The following ACTL8 variants were observed in gnomAD, a reference collection of about 807,000 sequenced individuals.
ACTL8 encodes the protein actin-like protein 8.
ACTL8 carries 3 observed loss-of-function variants against 9.3 expected under a neutral mutation model. The ratio of observed to expected loss-of-function variants is 0.32; its 90% CI spans 0.15 to 0.83. The LOEUF is 0.83. Among genes scored for constraint, ACTL8 ranks in the 40% least tolerant of loss-of-function variants. ACTL8 has a pLI of 0.57. For missense variants in ACTL8, 381 were observed against 492.2 expected (o/e 0.77, Z 2.14); for synonymous variants, 224 against 205.9 (o/e 1.09, Z -0.75).
intron 1 of ACTL8, among the ~76,000 whole-genome samples, chr1:17,773,063 C>T (rs937941145): frequency 3.9e-5 from 6 of 152,196 alleles, no homozygotes; most frequent in Non-Finnish European, 7.3e-5. Flanking sequence ...GTCCTCGCTG[C>T]GTCGGACACT....
In ACTL8 at chr1:17,816,411, C is replaced by T. The variant is rs539525344; in HGVS notation, c.-24-6574C>T. 3.5e-4 allele frequency among the ~76,000 whole-genome samples: 54 copies of T among 152,134 alleles called. 1 individual carries two copies. The South Asian group carries it at 9.8e-3, about 28-fold the overall frequency. On this transcript the variant is annotated intron_variant, in intron 1 of 2. Coordinates refer to ENST00000375406, the MANE Select transcript of ACTL8 (RefSeq NM_030812.3). ...GAGAGATGGGGTTTTACCATGTTGC[C>T]CAGGCTGGTCTCAAACTCCTGAGCT...
chr1:17,803,055 CTTGAA>C (rs1186487777), intron 1 of ACTL8, among the ~76,000 whole-genome samples: 1 of 152,152 alleles, frequency 6.6e-6, no homozygotes, highest in Non-Finnish European at 1.5e-5. Flanking sequence ...CAAATCTCAT[CTTGAA>C]TTGTAGTTCC....
chr1:17,812,290 G>T (rs2066398261), intron 1 of ACTL8, among the ~76,000 whole-genome samples: 1 of 152,092 alleles, frequency 6.6e-6, no homozygotes, highest in Admixed American at 6.5e-5. Context: ...GAATCAACTT[G>T]TTGATATCTA....
At position 17,802,060 on chromosome 1, in the gene ACTL8, A is replaced by G. The variant is rs372729372; in HGVS notation, c.-24-20925A>G. ...TATCCCAATGAGGAGCATGAAGAGA[A>G]ACAAGAAAATGGATGCCCTGCATTT... is the stretch of plus-strand genomic sequence containing the variant. On this transcript the variant is annotated intron_variant, in intron 1 of 2. Transcript: ENST00000375406. Among the ~76,000 whole-genome samples, 15 of 152,374 alleles carry G rather than the reference A, an allele frequency of 9.8e-5. No homozygotes were observed. The South Asian group carries it at 2.9e-3, about 29-fold the overall frequency.
intron 1 of ACTL8, among the ~76,000 whole-genome samples, chr1:17,794,292 A>G (rs1184339149): frequency 6.6e-6 from 1 of 152,064 alleles, no homozygotes; most frequent in Non-Finnish European, 1.5e-5. Context: ...GTGACCTTGG[A>G]CATAGTTACT....
chr1:17,823,206 C>G lies in ACTL8; in HGVS notation c.198C>G (p.Pro66=), dbSNP rs1189129933. The G allele has an allele frequency of 1.2e-6, 2 of 1,614,098 alleles. No individual in the cohort carries two copies. Among genetic ancestry groups the G allele is most frequent in the Non-Finnish European group, 1.7e-6 (2 of 1,180,056 alleles). ...DICHPDTFSY[P]IERGRILNWE... ...GCCATCCTGACACCTTTAGCTACCC[C>G]ATCGAGCGGGGCCGCATCCTCAACT... Residue 66 remains proline, a synonymous_variant, in exon 2 of 3, where the codon CCC becomes CCG. Coordinates refer to ENST00000375406, the MANE Select transcript of ACTL8 (RefSeq NM_030812.3). The surrounding 1 kb of genome is among the most constrained non-coding windows in gnomAD (Gnocchi z 5.3).
rs141661119 is a variant in ACTL8, at chr1:17,797,789, T to C, written c.-24-25196T>C. 5.7e-3 allele frequency among the ~76,000 whole-genome samples: 873 copies of C among 152,222 alleles called. 12 individuals carry two copies. Among genetic ancestry groups the C allele is most frequent in the African/African-American group, 0.02 (810 of 41,512 alleles). On this transcript the variant is annotated intron_variant, in intron 1 of 2. Coordinates refer to ENST00000375406, the MANE Select transcript of ACTL8 (RefSeq NM_030812.3). ...ATGAATCCCCAGCCTTCCAGGTGGC[T>C]GATAATTAAATTGTGGGATGGAAGT...
At chr1:17,761,148 T>C (rs2102672929) in intron 1 of ACTL8, among the ~76,000 whole-genome samples, 1 of 150,632 alleles carries the variant, frequency 6.6e-6, no homozygotes, top group East Asian at 2.0e-4. Flanking sequence ...TTTTTTTTTT[T>C]TTTTTTTGGT....
intron 1 of ACTL8, among the ~76,000 whole-genome samples, chr1:17,787,052 AT>A (rs974118822): frequency 2.0e-5 from 3 of 151,668 alleles, no homozygotes; most frequent in African/African-American, 4.8e-5. Context: ...AGTTCAGTAT[AT>A]TTTTTCCCTT....
At chr1:17,796,134 C>G (rs11203463) in intron 1 of ACTL8, among the ~76,000 whole-genome samples, 32,699 of 152,102 alleles carry the variant, frequency 0.21, 4,359 homozygotes, top group Admixed American at 0.38. Flanking sequence ...AATGGGGCAG[C>G]AGGTCCTGGG....
chr1:17,768,139 A>G (rs991415523), intron 1 of ACTL8, among the ~76,000 whole-genome samples: 11 of 127,502 alleles, frequency 8.6e-5, no homozygotes, highest in African/African-American at 1.8e-4. Flanking sequence ...AAAAGGTGGG[A>G]ACCCAGCTAA....
intron 1 of ACTL8, among the ~76,000 whole-genome samples, chr1:17,801,443 A>C (rs192927741): frequency 6.6e-6 from 1 of 152,232 alleles, no homozygotes; most frequent in Non-Finnish European, 1.5e-5. Context: ...AAGATGGCCA[A>C]ATTTAATGAT....
At chr1:17,804,327 T>C (rs1047868217) in intron 1 of ACTL8, among the ~76,000 whole-genome samples, 1 of 152,182 alleles carries the variant, frequency 6.6e-6, no homozygotes, top group Non-Finnish European at 1.5e-5. Context: ...CCAGAAGCCC[T>C]TAGTTAGTGT....
At chr1:17,802,479 C>G (rs550336463) in intron 1 of ACTL8, among the ~76,000 whole-genome samples, 19 of 150,820 alleles carry the variant, frequency 1.3e-4, no homozygotes, top group African/African-American at 4.2e-4. Context: ...ACATATTTAT[C>G]AGATGATGGG....
At chr1:17,801,056 A>G (rs757944698) in intron 1 of ACTL8, among the ~76,000 whole-genome samples, 2 of 152,256 alleles carry the variant, frequency 1.3e-5, no homozygotes, top group Non-Finnish European at 2.9e-5. Flanking sequence ...TGCTTTTGCC[A>G]ATCTATTAAA....
chr1:17,790,196 A>G (rs749704632), intron 1 of ACTL8, among the ~76,000 whole-genome samples: 44 of 152,162 alleles, frequency 2.9e-4, no homozygotes, highest in Admixed American at 1.6e-3. Context: ...AAGCTTGGAG[A>G]TGCCAGGAAC....
intron 1 of ACTL8, among the ~76,000 whole-genome samples, chr1:17,811,170 T>A (rs2066391314): frequency 6.6e-6 from 1 of 152,230 alleles, no homozygotes. Flanking sequence ...TTTTATGGTT[T>A]TAATTTGTTT....
rs1557427881 is a variant in ACTL8, at chr1:17,767,110, CAG to C, written c.-25+11608_-25+11609del. Among the ~76,000 whole-genome samples the C allele has an allele frequency of 2.0e-5, 3 of 152,096 alleles. No individual in the cohort carries two copies. Among genetic ancestry groups the C allele is most frequent in the Non-Finnish European group, 4.4e-5 (3 of 68,008 alleles). ...CCACAGTGGTCAGGGACGGGGGAAG[CAG>C]ACACCTGAGGGGGAAGCGAGACGGG... On this transcript the variant is annotated intron_variant, in intron 1 of 2. Transcript: ENST00000375406. The surrounding 1 kb of genome is among the most constrained non-coding windows in gnomAD (Gnocchi z 4.7).
At chr1:17,822,901 A>C in intron 1 of ACTL8, 84 bp from the exon 2 acceptor site, 1 of 876,956 alleles carries the variant, frequency 1.1e-6, no homozygotes, top group Non-Finnish European at 1.7e-6. Context: ...GGGGAGCCTG[A>C]GGTTTGACTG....
Sources: allele counts gnomAD v4.1 joint callset (sites outside exome capture counted in the v4.1 genomes callset), GRCh38; gene constraint gnomAD v4.1.1; non-coding constraint Gnocchi (gnomAD v3.1); transcripts MANE v1.5; gene names NCBI Gene and HGNC (gene_info 2026-07-23, HGNC 2026-07-21).